F11: variants seen among roughly 807,000 people sequenced by gnomAD.
The protein encoded by F11 is coagualtion factor XI.
A neutral mutation model predicts 76.5 loss-of-function variants in F11; 78 were observed. That is an observed-to-expected ratio of 1.02 (90% CI 0.85 to 1.23). The LOEUF (loss-of-function observed/expected upper bound fraction) is 1.23. Ranked by LOEUF, F11 falls within the 50% of genes most tolerant of loss-of-function variation. The pLI, the probability that F11 is intolerant of heterozygous loss-of-function variation, is 0.00. For missense variants in F11, 742 were observed against 771.4 expected (o/e 0.96, Z 0.45); for synonymous variants, 278 against 276.3 (o/e 1.01, Z -0.06).
Position 186,280,529 on chromosome 4 carries a change from G to T in F11, c.1084G>T (p.Gly362Trp), listed in dbSNP as rs142096488. ...SNGSPTKILH[G>W]RGGISGYTLR... Reference sequence around the variant, plus strand: ...CGGATCTCCAACTAAAATACTTCACGGGAGAGGAGGCATCTCTGGATACAC... The same window carrying T: ...CGGATCTCCAACTAAAATACTTCACTGGAGAGGAGGCATCTCTGGATACAC... Residue 362 changes from glycine to tryptophan, a missense_variant, in exon 10 of 15, where the codon GGG becomes TGG. Physicochemically the swap from Gly to Trp is radical, Grantham distance 184. Transcript: ENST00000403665. 1 of 1,614,096 alleles carries T rather than the reference G, an allele frequency of 6.2e-7. No homozygotes were observed. The highest frequency in any genetic ancestry group is 1.1e-5 in the South Asian group (1 of 91,070).
chr4:186,288,627 G>A lies in F11; in HGVS notation c.*13G>A. On this transcript the variant is annotated 3_prime_UTR_variant, in exon 15 of 15. Transcript: ENST00000403665. ...TCAAGCAGTGTGAATGGGTTCCCAG[G>A]GGCCATTGGAGTCCCTGAAGGACCC... The A allele has an allele frequency of 4.3e-6, 7 of 1,612,036 alleles. No homozygotes were observed. Among genetic ancestry groups the A allele is most frequent in the Non-Finnish European group, 5.9e-6 (7 of 1,178,908 alleles).
rs2241817 is a variant in F11, at chr4:186,279,847, A to G, written c.756-165A>G. Among the ~76,000 whole-genome samples, 60,148 of 152,056 alleles carry G rather than the reference A, an allele frequency of 0.4. 12,611 individuals carry two copies. The highest frequency in any genetic ancestry group is 0.52 in the Middle Eastern group (153 of 294). Reference sequence around the variant, plus strand: ...CCTAAGGGCCATGGAGTGTGACTCCATGGTTTATGGGTGTAACTCCGTGGT... The same window carrying G: ...CCTAAGGGCCATGGAGTGTGACTCCGTGGTTTATGGGTGTAACTCCGTGGT... On this transcript the variant is annotated intron_variant, in intron 7 of 14. Transcript: ENST00000403665.
Position 186,276,318 on chromosome 4 carries a change from G to A in F11, c.683G>A (p.Arg228Gln), listed in dbSNP as rs281875246. Reference sequence around the variant, plus strand: ...GCTCCCGATGCTTTTGTCTGTGGCCGAATCTGCACTCATCATCCCGGTTGC... The same window carrying A: ...GCTCCCGATGCTTTTGTCTGTGGCCAAATCTGCACTCATCATCCCGGTTGC... Reference protein sequence around the residue: ...VMAPDAFVCGRICTHHPGCLF... With the variant: ...VMAPDAFVCGQICTHHPGCLF... The change falls in exon 7 of 15, where the codon CGA (arginine) becomes CAA (glutamine). Residue 228 changes from arginine (R) to glutamine (Q), a missense_variant. Coordinates refer to ENST00000403665, the MANE Select transcript of F11 (RefSeq NM_000128.4). The A allele has an allele frequency of 2.7e-5, 44 of 1,613,954 alleles. No homozygotes were observed. Among genetic ancestry groups the A allele is most frequent in the Admixed American group, 8.3e-5 (5 of 59,992 alleles).
chr4:186,280,681 T>C lies in F11; in HGVS notation c.1135+101T>C, dbSNP rs1740733606. On this transcript the variant is annotated intron_variant, in intron 10 of 14. Transcript: ENST00000403665. ...AGTTATAGCCACAGAAGGGAGAACA[T>C]TCAGGAAATAACAAATTTTGCAATT... 4.7e-6 allele frequency: 5 copies of C among 1,070,612 alleles called. 1 individual carries two copies. Among genetic ancestry groups the C allele is most frequent in the Middle Eastern group, 2.4e-4 (1 of 4,178 alleles). 66.3% of individuals were successfully genotyped at this position (1,070,612 alleles called of 1,614,324 possible).
Position 186,286,431 on chromosome 4 carries a change from A to G in F11, c.1497A>G (p.Ile499Met). The part of the protein sequence containing the change: ...TVNYTDSQRP[I>M]CLPSKGDRNV... The stretch of plus-strand genomic sequence containing the variant: ...TAAATTTAGATTCTCAACGACCCAT[A>G]TGCCTGCCTTCCAAAGGAGATAGAA... The change falls in exon 13 of 15, where the codon ATA becomes ATG. Residue 499 changes from isoleucine to methionine, a missense_variant. Coordinates refer to ENST00000403665, the MANE Select transcript of F11 (RefSeq NM_000128.4). 1 of 1,613,976 alleles carries G rather than the reference A, an allele frequency of 6.2e-7. No individual in the cohort carries two copies. The highest frequency in any genetic ancestry group is 8.5e-7 in the Non-Finnish European group (1 of 1,179,896).
chr4:186,276,091 C>A (rs572027196), intron 6 of F11, 140 bp from the exon 7 acceptor site: 242 of 1,050,212 alleles, frequency 2.3e-4, no homozygotes, highest in Non-Finnish European at 3.2e-4. Context: ...ATAATCATGC[C>A]ATTTTCTTCT....
intron 2 of F11, among the ~76,000 whole-genome samples, chr4:186,269,531 AGGTACTTAG>A (rs1250627834): frequency 6.6e-6 from 1 of 152,220 alleles, no homozygotes; most frequent in African/African-American, 2.4e-5. Context: ...CACTGATAGG[AGGTACTTAG>A]GGTAGTCAAT....
rs780551893 is a variant in F11, at chr4:186,287,672, A to C, written c.1577-12A>C. 3.1e-6 allele frequency: 5 copies of C among 1,605,294 alleles called. No homozygotes were observed. The Admixed American group carries it at 6.7e-5, about 22-fold the overall frequency. ...GGTTATTCTACAAACGAACCAAAAA[A>C]ATTTTTTTCAGACAAAATACAAAAT... is the stretch of plus-strand genomic sequence containing the variant. On this transcript the variant is annotated splice_polypyrimidine_tract_variant and intron_variant, in intron 13 of 14. Coordinates refer to ENST00000403665, the MANE Select transcript of F11 (RefSeq NM_000128.4).
chr4:186,289,042 C>T lies in F11; in HGVS notation c.*428C>T, dbSNP rs1741413810. On this transcript the variant is annotated 3_prime_UTR_variant, in exon 15 of 15. Coordinates refer to ENST00000403665, the MANE Select transcript of F11 (RefSeq NM_000128.4). ...AACAAAGACAGTCTTCACCATTTTG[C>T]AGGAATCTACACTCTGCCTATGTGA... 4.4e-6 allele frequency: 1 copy of T among 228,874 alleles called. No individual in the cohort carries two copies. The highest frequency in any genetic ancestry group is 8.7e-6 in the Non-Finnish European group (1 of 114,350). The allele number at this position is 228,874 out of a possible 1,614,324, so 14.2% of individuals were successfully genotyped here. A position where few individuals can be genotyped will look rare whatever the true frequency, so the allele number is the denominator to read the frequency against.
At chr4:186,271,802 C>A in intron 3 of F11, 31 bp downstream of exon 3, 1 of 1,612,422 alleles carries the variant, frequency 6.2e-7, no homozygotes, top group Non-Finnish European at 8.5e-7. Context: ...ATCGAGGAGA[C>A]AGATTTTTAA....
At chr4:186,282,806 T>C in intron 10 of F11, 1 of 985,414 alleles carries the variant, frequency 1.0e-6, no homozygotes, top group Non-Finnish European at 1.2e-6. Flanking sequence ...CGTTCTCACC[T>C]CAGTTGCTGT....
downstream of F11, among the ~76,000 whole-genome samples, chr4:186,289,916 C>T (rs547889608): frequency 3.9e-5 from 6 of 152,086 alleles, no homozygotes; most frequent in South Asian, 6.2e-4. Flanking sequence ...CTCCTGACCT[C>T]GTGATCTGCC....
chr4:186,285,597 T>C lies in F11; in HGVS notation c.1305-41T>C, dbSNP rs1741140579. The C allele has an allele frequency of 2.5e-6, 4 of 1,596,000 alleles. No homozygotes were observed. In the Admixed American group the frequency reaches 5.0e-5, roughly 20 times the overall value. On this transcript the variant is annotated intron_variant, in intron 11 of 14. Coordinates refer to ENST00000403665, the MANE Select transcript of F11 (RefSeq NM_000128.4). ...CTTCACAATGTCTGGGAATTATTTT[T>C]AGTAAAGGAAATTTCTTTCCCTCTG...
rs1237887380 is a variant in F11 at position 186,273,003 on chromosome 4, AC to A, written c.219-67del. The A allele has an allele frequency of 2.3e-5, 24 of 1,056,678 alleles. 1 individual carries two copies. Among genetic ancestry groups the A allele is most frequent in the South Asian group, 8.2e-5 (6 of 72,800 alleles). 65.5% of individuals were successfully genotyped at this position (1,056,678 alleles called of 1,614,324 possible). On this transcript the variant is annotated intron_variant, in intron 3 of 14. Transcript: ENST00000403665. ...CTTCTTTTTGGCTTTCTGTGTGCTG[AC>A]TTTTAAGATCCATTATTTTAAAAAC...
At chr4:186,278,003 T>C (rs982046313) in intron 7 of F11, among the ~76,000 whole-genome samples, 12 of 152,164 alleles carry the variant, frequency 7.9e-5, no homozygotes, top group Non-Finnish European at 1.3e-4. Flanking sequence ...TTCGCCATGT[T>C]GGCCAGGCTG....
At chr4:186,273,282 T>G in intron 4 of F11, 105 bp downstream of exon 4, 1 of 879,864 alleles carries the variant, frequency 1.1e-6, no homozygotes, top group African/African-American at 1.6e-5. Flanking sequence ...TATGTGGAAA[T>G]AAACCCCCTT....
At chr4:186,270,999 C>T (rs187740589) in intron 2 of F11, among the ~76,000 whole-genome samples, 3 of 152,110 alleles carry the variant, frequency 2.0e-5, no homozygotes, top group African/African-American at 7.2e-5. Flanking sequence ...AGCCACTGCG[C>T]CCACTCCGCA....
In F11 at chr4:186,276,227, G is replaced by T. The variant is rs552380122; in HGVS notation, c.596-4G>T. ...GTCCCTGACATAGTTCTTCCGTCGC[G>T]CAGCTTGTATTAGGGACATTTTCCC... is the stretch of plus-strand genomic sequence containing the variant. On this transcript the variant is annotated splice_polypyrimidine_tract_variant and splice_region_variant and intron_variant, in intron 6 of 14. Coordinates refer to ENST00000403665, the MANE Select transcript of F11 (RefSeq NM_000128.4). 6.2e-7 allele frequency: 1 copy of T among 1,613,916 alleles called. No individual in the cohort carries two copies. The highest frequency in any genetic ancestry group is 8.5e-7 in the Non-Finnish European group (1 of 1,180,016).
intron 10 of F11, among the ~76,000 whole-genome samples, chr4:186,281,545 GC>G (rs1740808649): frequency 6.6e-6 from 1 of 152,166 alleles, no homozygotes; most frequent in Non-Finnish European, 1.5e-5. Context: ...CACGAGAGAT[GC>G]TTTGTAGGCA....
Sources: gnomAD v4.1 joint callset for allele counts (sites outside exome capture counted in the v4.1 genomes callset) on GRCh38, gnomAD v4.1.1 for gene constraint, MANE v1.5 for transcripts, NCBI Gene and HGNC (gene_info 2026-07-23, HGNC 2026-07-21) for gene names.